The following DAB1 variants were observed in gnomAD, a reference collection of about 807,000 sequenced individuals.
The protein encoded by DAB1 is disabled homolog 1.
DAB1 carries 15 observed loss-of-function variants against 64.6 expected under a neutral mutation model. The ratio of observed to expected loss-of-function variants is 0.23; its 90% CI spans 0.16 to 0.36. The LOEUF is 0.36. DAB1 is among the 10% of genes least tolerant of loss of function. The pLI is 1.00. For synonymous variants in DAB1, 235 were observed against 251.9 expected (o/e 0.93, Z 0.64); for missense variants, 596 against 706.7 (o/e 0.84, Z 1.78).
chr1:58,229,475 A>G (rs1659674481), intron 4 of DAB1, among the ~76,000 whole-genome samples: 1 of 152,082 alleles, frequency 6.6e-6, no homozygotes, highest in African/African-American at 2.4e-5. Context: ...CTGGAGAGGA[A>G]CCATACCTAG....
At chr1:58,493,115 C>A (rs1323865473) in intron 3 of DAB1, among the ~76,000 whole-genome samples, 4 of 152,058 alleles carry the variant, frequency 2.6e-5, no homozygotes, top group Non-Finnish European at 4.4e-5. Context: ...GTTCAACATA[C>A]GCAAATCAAT....
chr1:57,733,720 GC>G (rs1273337819), intron 6 of DAB1, among the ~76,000 whole-genome samples: 2 of 152,088 alleles, frequency 1.3e-5, no homozygotes, highest in African/African-American at 4.8e-5. Context: ...GGAAGCCCCT[GC>G]TTTTCCAGAA....
chr1:57,987,372 T>C (rs551077300), intron 5 of DAB1, among the ~76,000 whole-genome samples: 1 of 152,158 alleles, frequency 6.6e-6, no homozygotes, highest in Non-Finnish European at 1.5e-5. Flanking sequence ...TGATATGATC[T>C]CACTCAACCC....
intron 3 of DAB1, among the ~76,000 whole-genome samples, chr1:58,350,300 GTTGT>G (rs751907174): frequency 4.6e-5 from 7 of 152,090 alleles, no homozygotes; most frequent in African/African-American, 9.7e-5. Flanking sequence ...TTTTGATGGG[GTTGT>G]TTGTTTTTCT....
At chr1:58,119,360 A>C (rs533037547) in intron 5 of DAB1, among the ~76,000 whole-genome samples, 2 of 152,222 alleles carry the variant, frequency 1.3e-5, no homozygotes, top group South Asian at 4.1e-4. Context: ...TATGCATCCT[A>C]CATTATTTGT....
At chr1:57,935,351 G>A (rs1229970095) in intron 5 of DAB1, among the ~76,000 whole-genome samples, 1 of 152,154 alleles carries the variant, frequency 6.6e-6, no homozygotes, top group Non-Finnish European at 1.5e-5. Context: ...GAGATTTTGT[G>A]CGAATTAATT....
chr1:57,696,101 G>T (rs1353806937), intron 6 of DAB1, among the ~76,000 whole-genome samples: 1 of 152,028 alleles, frequency 6.6e-6, no homozygotes, highest in Non-Finnish European at 1.5e-5. Flanking sequence ...TCCTTCTTCT[G>T]TTCACGTATT....
At chr1:57,300,083 A>C (rs1189306934) in intron 1 of DAB1, among the ~76,000 whole-genome samples, 1 of 151,748 alleles carries the variant, frequency 6.6e-6, no homozygotes, top group Non-Finnish European at 1.5e-5. Context: ...TGCCCTATAC[A>C]CCTTTGCATC....
At chr1:57,467,127 T>C (rs1357374277) in intron 7 of DAB1, among the ~76,000 whole-genome samples, 5 of 152,196 alleles carry the variant, frequency 3.3e-5, no homozygotes, top group Non-Finnish European at 7.3e-5. Context: ...TCAAATTCAC[T>C]GAGGAGCCTT....
chr1:57,223,369 G>T (rs1667028754), intron 2 of DAB1, among the ~76,000 whole-genome samples: 1 of 152,126 alleles, frequency 6.6e-6, no homozygotes, highest in Non-Finnish European at 1.5e-5. Context: ...TGGTCCAGGG[G>T]TATGCAGCCC....
At chr1:58,290,533 C>A (rs1661791989) in intron 4 of DAB1, among the ~76,000 whole-genome samples, 1 of 152,102 alleles carries the variant, frequency 6.6e-6, no homozygotes, top group African/African-American at 2.4e-5. Flanking sequence ...CACACATTAT[C>A]TAATCTATAT....
intron 4 of DAB1, among the ~76,000 whole-genome samples, chr1:58,199,972 G>A (rs998765231): frequency 7.9e-5 from 12 of 152,112 alleles, no homozygotes; most frequent in South Asian, 2.1e-4. Context: ...GAGAGCAGGG[G>A]CGGAAGTGGA....
At chr1:58,242,085 G>A (rs1660321518) in intron 4 of DAB1, among the ~76,000 whole-genome samples, 1 of 151,980 alleles carries the variant, frequency 6.6e-6, no homozygotes, top group Non-Finnish European at 1.5e-5. Context: ...GATGGAAAAT[G>A]GTGGAAAAAT....
chr1:57,015,447 A>G lies in DAB1; in HGVS notation c.896-16T>C. On this transcript the variant is annotated splice_polypyrimidine_tract_variant and intron_variant, in intron 11 of 14. Transcript: ENST00000371236. ...GCAACGTAACCTGGGAGAATGAAAAAGGAGAGTCAGGTGTTTCCCTGGTGT... is the reference window on the plus strand; with the variant it reads ...GCAACGTAACCTGGGAGAATGAAAAGGGAGAGTCAGGTGTTTCCCTGGTGT... 1 of 1,588,284 alleles carries G rather than the reference A, an allele frequency of 6.3e-7. No homozygotes were observed. The highest frequency in any genetic ancestry group is 8.6e-7 in the Non-Finnish European group (1 of 1,167,056).
chr1:57,902,156 CAAA>C (rs60082541), intron 5 of DAB1, among the ~76,000 whole-genome samples: 46 of 114,438 alleles, frequency 4.0e-4, no homozygotes, highest in Admixed American at 1.4e-3. Flanking sequence ...GATCTTGTCT[CAAA>C]AAAAAAAAAA....
chr1:57,084,699 C>T (rs528579241), intron 4 of DAB1, among the ~76,000 whole-genome samples: 21 of 152,310 alleles, frequency 1.4e-4, no homozygotes, highest in African/African-American at 4.6e-4. Flanking sequence ...CAGCTCTGCT[C>T]TGCTTTTCAA....
intron 4 of DAB1, among the ~76,000 whole-genome samples, chr1:58,202,827 C>A (rs1570478848): frequency 6.6e-6 from 1 of 152,178 alleles, no homozygotes; most frequent in Non-Finnish European, 1.5e-5. Context: ...ACCTCCAAAT[C>A]ATTCTCCACA....
At chr1:57,366,393 T>G (rs1679997813) in intron 1 of DAB1, among the ~76,000 whole-genome samples, 1 of 152,210 alleles carries the variant, frequency 6.6e-6, no homozygotes, top group Non-Finnish European at 1.5e-5. Context: ...ATTTTTCATT[T>G]TCCACATAAC....
At chr1:58,091,812 A>G (rs1650673385) in intron 5 of DAB1, among the ~76,000 whole-genome samples, 1 of 151,582 alleles carries the variant, frequency 6.6e-6, no homozygotes, top group Admixed American at 6.6e-5. Flanking sequence ...ACCTGAGCTC[A>G]AAACTAATTA....
Sources: allele counts gnomAD v4.1 joint callset (sites outside exome capture counted in the v4.1 genomes callset), GRCh38; gene constraint gnomAD v4.1.1; transcripts MANE v1.5; gene names NCBI Gene and HGNC (gene_info 2026-07-23, HGNC 2026-07-21).